The following RARB variants were observed in gnomAD, a reference collection of about 807,000 sequenced individuals.
RARB encodes the protein retinoic acid receptor beta, also known as HBV-activated protein.
RARB carries 17 observed loss-of-function variants against 51.9 expected under a neutral mutation model. The observed-to-expected ratio is 0.33, with a 90% CI of 0.22 to 0.49. The LOEUF (loss-of-function observed/expected upper bound fraction) is 0.49. Ranked by LOEUF, RARB falls within the 20% of genes least tolerant of loss-of-function variation. The probability of loss-of-function intolerance (pLI) is 0.99; values close to 1 mark genes in which losing one functional copy is unlikely to be tolerated. For synonymous variants in RARB, 215 were observed against 195.4 expected (o/e 1.10, Z -0.84); for missense variants, 369 against 550.8 (o/e 0.67, Z 3.30).
chr3:25,093,953 A>T (rs1699248233), intron 3 of RARB, among the ~76,000 whole-genome samples: 1 of 152,278 alleles, frequency 6.6e-6, no homozygotes, highest in African/African-American at 2.4e-5. Context: ...ACACATATAC[A>T]CACAAAACAA....
chr3:24,974,034 T>C (rs1053412412), intron 2 of RARB, among the ~76,000 whole-genome samples: 4 of 152,082 alleles, frequency 2.6e-5, no homozygotes, highest in Admixed American at 2.6e-4. Flanking sequence ...GTTCCAGATC[T>C]TGGAGGAAAG....
chr3:25,167,343 A>G (rs1264874449), intron 4 of RARB, among the ~76,000 whole-genome samples: 1 of 152,244 alleles, frequency 6.6e-6, no homozygotes, highest in Non-Finnish European at 1.5e-5. Flanking sequence ...ATCATCAAAG[A>G]TAACAAGAAT....
At chr3:25,104,306 A>G (rs765007921) in intron 3 of RARB, among the ~76,000 whole-genome samples, 30 of 152,194 alleles carry the variant, frequency 2.0e-4, no homozygotes, top group Admixed American at 9.8e-4. Context: ...CACTTTGGAA[A>G]TCTCTCACTA....
chr3:24,981,427 C>G (rs1181949745), intron 2 of RARB, among the ~76,000 whole-genome samples: 2 of 152,164 alleles, frequency 1.3e-5, no homozygotes, highest in Non-Finnish European at 2.9e-5. Context: ...TGGGCTCCAC[C>G]CAGTTGGAGC....
chr3:25,348,801 C>T (rs1282938738), intron 5 of RARB, among the ~76,000 whole-genome samples: 1 of 152,166 alleles, frequency 6.6e-6, no homozygotes. Flanking sequence ...AGTACGCATC[C>T]AAGCCAACTG....
At chr3:24,949,356 C>T (rs1170006226) in intron 2 of RARB, among the ~76,000 whole-genome samples, 2 of 152,142 alleles carry the variant, frequency 1.3e-5, no homozygotes, top group Admixed American at 1.3e-4. Flanking sequence ...ATTACCCTTC[C>T]CCCCTGAACA....
intron 3 of RARB, among the ~76,000 whole-genome samples, chr3:25,523,946 A>G (rs371327553): frequency 1.8e-4 from 27 of 152,198 alleles, no homozygotes; most frequent in African/African-American, 6.3e-4. Flanking sequence ...ATAAAGTACA[A>G]TTTAAAAACT....
At chr3:25,214,253 G>A (rs532984279) in intron 5 of RARB, among the ~76,000 whole-genome samples, 1 of 152,270 alleles carries the variant, frequency 6.6e-6, no homozygotes, top group South Asian at 2.1e-4. Flanking sequence ...ACTTCAAAGG[G>A]AGAGGCTCTG....
At chr3:24,915,346 A>G (rs1451983045) in intron 2 of RARB, among the ~76,000 whole-genome samples, 1 of 152,230 alleles carries the variant, frequency 6.6e-6, no homozygotes, top group East Asian at 1.9e-4. Flanking sequence ...ATTTTAACAC[A>G]AATCATATTA....
intron 3 of RARB, among the ~76,000 whole-genome samples, chr3:25,520,887 C>G (rs1421554093): frequency 6.6e-6 from 1 of 152,110 alleles, no homozygotes; most frequent in Non-Finnish European, 1.5e-5. Flanking sequence ...ATGCACTGGC[C>G]CATTTTAAAG....
chr3:25,297,402 C>CTTTTTTTT (rs67843073), intron 5 of RARB, among the ~76,000 whole-genome samples: 3 of 63,428 alleles, frequency 4.7e-5, no homozygotes, highest in Non-Finnish European at 5.7e-5. Context: ...AGAAGGTATT[C>CTTTTTTTT]TTTTTTTTTT....
intron 2 of RARB, among the ~76,000 whole-genome samples, chr3:24,959,402 G>T (rs996742067): frequency 1.3e-5 from 2 of 152,180 alleles, no homozygotes; most frequent in African/African-American, 4.8e-5. Context: ...CCACCATCAA[G>T]CCATCCCTCT....
chr3:25,138,088 A>G (rs949472765), intron 4 of RARB, among the ~76,000 whole-genome samples: 5 of 152,140 alleles, frequency 3.3e-5, no homozygotes, highest in African/African-American at 1.2e-4. Flanking sequence ...TTGACTTCAG[A>G]TAATATATCT....
chr3:25,170,419 C>T (rs2125351148), intron 4 of RARB, among the ~76,000 whole-genome samples: 1 of 152,174 alleles, frequency 6.6e-6, no homozygotes, highest in East Asian at 1.9e-4. Flanking sequence ...GAGGCTCTTC[C>T]CAGAGTTTCT....
intron 3 of RARB, among the ~76,000 whole-genome samples, chr3:25,529,937 C>T (rs1356262864): frequency 2.0e-5 from 3 of 152,120 alleles, no homozygotes; most frequent in Non-Finnish European, 4.4e-5. Context: ...GCTATTTTCT[C>T]GGGTTAGGGT....
chr3:25,291,421 TATA>T (rs1371118139), intron 5 of RARB, among the ~76,000 whole-genome samples: 1 of 151,750 alleles, frequency 6.6e-6, no homozygotes, highest in Non-Finnish European at 1.5e-5. Flanking sequence ...AAGTCTCAGA[TATA>T]ATAAGTCATA....
At chr3:25,173,330 C>T (rs1462119099) in intron 4 of RARB, among the ~76,000 whole-genome samples, 1 of 152,114 alleles carries the variant, frequency 6.6e-6, no homozygotes. Context: ...TGTTCTTTGG[C>T]ACTGTGTATA....
chr3:25,591,467 T>C (rs957164396), intron 5 of RARB, among the ~76,000 whole-genome samples: 4 of 152,194 alleles, frequency 2.6e-5, no homozygotes, highest in African/African-American at 9.7e-5. Context: ...GGTTTGACTA[T>C]TGGCGTGGAG....
At position 24,925,093 on chromosome 3, in the gene RARB, C is replaced by T. The variant is rs1051791805; in HGVS notation, c.-380+66341C>T. ...ATCTTGGCATTCTCATTTTTCTTTT[C>T]GCAGCCCTCTCATATGCATTAACCA... On this transcript the variant is annotated intron_variant, in intron 2 of 11. Coordinates refer to the RARB transcript ENST00000383772. Among the ~76,000 whole-genome samples, 14 of 152,156 alleles carry T rather than the reference C, an allele frequency of 9.2e-5. No individual in the cohort carries two copies. In the Middle Eastern group the frequency reaches 0.014, roughly 148 times the overall value.
Sources: allele counts gnomAD v4.1 joint callset (sites outside exome capture counted in the v4.1 genomes callset), GRCh38; gene constraint gnomAD v4.1.1; transcripts MANE v1.5; gene names NCBI Gene and HGNC (gene_info 2026-07-23, HGNC 2026-07-21).